Variants in SYDE2 observed in about 807,000 individuals in gnomAD.
SYDE2 encodes rho GTPase-activating protein SYDE2.
Under a neutral mutation model 91.5 loss-of-function variants are expected in SYDE2, and 76 were observed. The ratio of observed to expected loss-of-function variants is 0.83; its 90% confidence interval spans 0.69 to 1.01. The LOEUF (loss-of-function observed/expected upper bound fraction) is 1.01, where lower values mean the gene tolerates loss of function less well. SYDE2 is among the 50% of genes least tolerant of loss of function. SYDE2 has a pLI of 0.00. For synonymous variants in SYDE2, 513 were observed against 506.4 expected, an observed-to-expected ratio of 1.01 and a Z score of -0.18; for missense variants, 1,364 against 1,367.7, an observed-to-expected ratio of 1.00 and a Z score of 0.04.
chr1:85,189,723 C>T (rs1413759403), intron 2 of SYDE2, among the ~76,000 whole-genome samples: 1 of 152,128 alleles, frequency 6.6e-6, no homozygotes, highest in African/African-American at 2.4e-5. Context: ...GTAGTCCTAG[C>T]TACTCAGGAA....
downstream of SYDE2, among the ~76,000 whole-genome samples, chr1:85,155,026 G>GAAA (rs1656847004): frequency 1.2e-5 from 1 of 81,440 alleles, no homozygotes; most frequent in African/African-American, 4.5e-5. Context: ...AAAAAAAAAA[G>GAAA]AAAAGAAAAA....
In SYDE2 at chr1:85,190,423, T is replaced by A; in HGVS notation, c.1075A>T (p.Asn359Tyr). 6.2e-7 allele frequency: 1 copy of A among 1,613,878 alleles called. No homozygotes were observed. Among genetic ancestry groups the A allele is most frequent in the Non-Finnish European group, 8.5e-7 (1 of 1,179,820 alleles). Reference sequence around the variant, plus strand: ...TCATCATCTGCATCATTTTCCTCATTAAAATCTAAAGCACAGTTTTTCGAT... The same window carrying A: ...TCATCATCTGCATCATTTTCCTCATAAAAATCTAAAGCACAGTTTTTCGAT... Reference protein sequence around the residue: ...SLSKNCALDFNEENDADDEGE... With the variant: ...SLSKNCALDFYEENDADDEGE... The change falls in exon 2 of 7, where the codon AAT (asparagine) becomes TAT (tyrosine). Residue 359 changes from asparagine to tyrosine, a missense_variant. Transcript: ENST00000341460.
intron 2 of SYDE2, among the ~76,000 whole-genome samples, chr1:85,185,257 ATATTT>A (rs2100677581): frequency 6.8e-6 from 1 of 147,864 alleles, no homozygotes; most frequent in Non-Finnish European, 1.5e-5. Flanking sequence ...AATTATAAAT[ATATTT>A]TAATTATATA....
chr1:85,200,280 C>A lies in SYDE2; in HGVS notation c.717G>T (p.Val239=), dbSNP rs2100701602. 6.2e-7 allele frequency: 1 copy of A among 1,614,008 alleles called. No homozygotes were observed. Among genetic ancestry groups the A allele is most frequent in the African/African-American group, 1.3e-5 (1 of 75,056 alleles). The part of the protein sequence containing the change: ...LKVRENRVLS[V]PPDQRITLTD... ...TCAGCGTAATTCTTTGGTCTGGAGG[C>A]ACCGACAGGACACGGTTTTCACGCA... The change falls in exon 1 of 7, where the codon GTG becomes GTT. Residue 239 remains valine (V), a synonymous_variant. Coordinates refer to ENST00000341460, the MANE Select transcript of SYDE2 (RefSeq NM_032184.2).
At position 85,193,794 on chromosome 1, in the gene SYDE2, C is replaced by CT. The variant is rs957710924; in HGVS notation, c.746-3043dup. Among the ~76,000 whole-genome samples, 19 of 151,846 alleles carry CT rather than the reference C, an allele frequency of 1.3e-4. No individual in the cohort carries two copies. The East Asian group carries it at 2.7e-3, about 22-fold the overall frequency. ...TTGCACCACCACACCTGGCTAATTT[C>CT]TTTTTTTTCTTTTGGTAGAGACAGG... On this transcript the variant is annotated intron_variant, in intron 1 of 6. Coordinates refer to ENST00000341460, the MANE Select transcript of SYDE2 (RefSeq NM_032184.2).
intron 6 of SYDE2, 77 bp downstream of exon 6, chr1:85,164,449 T>C (rs1158626326): frequency 9.5e-7 from 1 of 1,055,454 alleles, no homozygotes; most frequent in South Asian, 2.1e-5. Flanking sequence ...TTCAATCATA[T>C]ATGAGCATAT....
chr1:85,182,644 A>G lies in SYDE2; in HGVS notation c.1998T>C (p.Tyr666=), dbSNP rs1657977218. 1.2e-6 allele frequency: 2 copies of G among 1,613,890 alleles called. No homozygotes were observed. The highest frequency in any genetic ancestry group is 1.7e-6 in the Non-Finnish European group (2 of 1,179,824). The change falls in exon 3 of 7, where the codon TAT becomes TAC. Residue 666 remains tyrosine, a synonymous_variant. Coordinates refer to ENST00000341460, the MANE Select transcript of SYDE2 (RefSeq NM_032184.2). ...NEIDIDAFRH[Y]SFSDQPKCSQ... Reference sequence around the variant, plus strand: ...AACACTTAGGTTGATCAGAAAAGCTATAATGCCTAAAAGCATCAATGTCTA... The same window carrying G: ...AACACTTAGGTTGATCAGAAAAGCTGTAATGCCTAAAAGCATCAATGTCTA...
Position 85,169,190 on chromosome 1 carries a change from G to T in SYDE2, c.2707C>A (p.Pro903Thr). The T allele has an allele frequency of 2.5e-6, 4 of 1,613,586 alleles. No homozygotes were observed. Among genetic ancestry groups the T allele is most frequent in the African/African-American group, 1.3e-5 (1 of 74,964 alleles). ...TCATAAAGCTGCTTTGTTATCAGAG[G>T]AGAAGGGAGTTCTCTTAAATAATCC... is the stretch of plus-strand genomic sequence containing the variant. ...LKDYLRELPSPLITKQLYEAV... is the reference protein window; with the variant it reads ...LKDYLRELPSTLITKQLYEAV... The change falls in exon 5 of 7, where the codon CCT becomes ACT. Residue 903 changes from proline to threonine, a missense_variant. Pro to Thr is a conservative substitution (Grantham distance 38). Coordinates refer to ENST00000341460, the MANE Select transcript of SYDE2 (RefSeq NM_032184.2).
Position 85,200,973 on chromosome 1 carries a change from C to T in SYDE2, c.24G>A (p.Ser8=), listed in dbSNP as rs1012887284. 2.3e-6 allele frequency: 3 copies of T among 1,303,802 alleles called. No homozygotes were observed. Among genetic ancestry groups the T allele is most frequent in the Non-Finnish European group, 9.7e-7 (1 of 1,034,550 alleles). 80.8% of individuals were successfully genotyped at this position (1,303,802 alleles called of 1,614,324 possible). A position where few individuals can be genotyped will look rare whatever the true frequency, so the allele number is the denominator to read the frequency against. The change falls in exon 1 of 7, where the codon TCG becomes TCA. Residue 8 remains serine, a synonymous_variant. Coordinates refer to ENST00000341460, the MANE Select transcript of SYDE2 (RefSeq NM_032184.2). The part of the protein sequence containing the change: MHDLPPD[S]GARRGGRGLA... ...AGCCCCTGCCGCCCCGCCGCGCGCC[C>T]GAGTCAGGGGGCAGGTCGTGCATGG...
At chr1:85,163,123 T>C (rs1657120468) in intron 6 of SYDE2, among the ~76,000 whole-genome samples, 1 of 151,730 alleles carries the variant, frequency 6.6e-6, no homozygotes, top group African/African-American at 2.4e-5. Context: ...TTTTTTTTTT[T>C]TGAGACGGAG....
chr1:85,155,020 AAAAAAGAAAAGAAAAAG>A (rs1656846115), downstream of SYDE2, among the ~76,000 whole-genome samples: 1 of 150,336 alleles, frequency 6.7e-6, no homozygotes, highest in African/African-American at 2.4e-5. Flanking sequence ...AAAAAAAAAA[AAAAAAGAAAAGAAAAAG>A]AAAAAAGAAA....
chr1:85,154,136 G>C (rs184782173), downstream of SYDE2: 65 of 152,028 alleles, frequency 4.3e-4, no homozygotes, highest in Admixed American at 3.7e-3. Flanking sequence ...AAGTGAGTAA[G>C]CCTCAAATTA....
intron 4 of SYDE2, among the ~76,000 whole-genome samples, chr1:85,177,802 C>T (rs1657758111): frequency 6.6e-6 from 1 of 152,178 alleles, no homozygotes; most frequent in Non-Finnish European, 1.5e-5. Flanking sequence ...TTTAAATTCT[C>T]TAACCAGATA....
At chr1:85,194,838 G>T (rs1658516083) in intron 1 of SYDE2, 1 of 985,244 alleles carries the variant, frequency 1.0e-6, no homozygotes, top group Admixed American at 6.1e-5. Context: ...AATTTTCCAA[G>T]AAATTATATA....
intron 1 of SYDE2, among the ~76,000 whole-genome samples, chr1:85,194,195 T>G (rs1316691287): frequency 1.3e-5 from 2 of 151,508 alleles, no homozygotes; most frequent in African/African-American, 4.8e-5. Context: ...ATTAAATGGA[T>G]CCACATGAAT....
intron 4 of SYDE2, among the ~76,000 whole-genome samples, chr1:85,175,346 A>G (rs1478443512): frequency 3.3e-5 from 5 of 152,158 alleles, no homozygotes; most frequent in South Asian, 2.1e-4. Flanking sequence ...CTAAAATACA[A>G]AAAACTAGCT....
Position 85,200,971 on chromosome 1 carries a change from C to A in SYDE2, c.26G>T (p.Gly9Val), listed in dbSNP as rs763983350. Reference sequence around the variant, plus strand: ...CAAGCCCCTGCCGCCCCGCCGCGCGCCCGAGTCAGGGGGCAGGTCGTGCAT... The same window carrying A: ...CAAGCCCCTGCCGCCCCGCCGCGCGACCGAGTCAGGGGGCAGGTCGTGCAT... MHDLPPDS[G>V]ARRGGRGLAD... The change falls in exon 1 of 7, where the codon GGC (glycine) becomes GTC (valine). Residue 9 changes from glycine to valine, a missense_variant. Gly to Val is a moderately radical substitution (Grantham distance 109). Transcript: ENST00000341460. 2 of 1,301,606 alleles carry A rather than the reference C, an allele frequency of 1.5e-6. No homozygotes were observed. Among genetic ancestry groups the A allele is most frequent in the Non-Finnish European group, 1.9e-6 (2 of 1,033,554 alleles). The allele number at this position is 1,301,606 out of a possible 1,614,324, so 80.6% of individuals were successfully genotyped here.
intron 4 of SYDE2, among the ~76,000 whole-genome samples, chr1:85,173,168 G>A (rs940988197): frequency 1.3e-5 from 2 of 152,132 alleles, no homozygotes; most frequent in African/African-American, 4.8e-5. Context: ...ACTAGGGTGG[G>A]CCCTACTCCA....
chr1:85,184,806 AG>A (rs1367845493), intron 2 of SYDE2, among the ~76,000 whole-genome samples: 1 of 151,752 alleles, frequency 6.6e-6, no homozygotes, highest in Non-Finnish European at 1.5e-5. Context: ...AGTGTTTCTC[AG>A]GCTGGGAGGC....
Sources: allele counts gnomAD v4.1 joint callset (sites outside exome capture counted in the v4.1 genomes callset), GRCh38; gene constraint gnomAD v4.1.1; transcripts MANE v1.5; gene names NCBI Gene and HGNC (gene_info 2026-07-23, HGNC 2026-07-21).